Variants in CCDC171 observed in about 807,000 individuals in gnomAD.
CCDC171 encodes coiled-coil domain containing 171, also known as coiled-coil domain-containing protein 171.
CCDC171 carries 177 observed loss-of-function variants against 168.2 expected under a neutral mutation model. The ratio of observed to expected loss-of-function variants is 1.05; its 90% CI spans 0.93 to 1.19. The LOEUF (loss-of-function observed/expected upper bound fraction) is 1.19, where lower values mean the gene tolerates loss of function less well. Among genes scored for constraint, CCDC171 ranks in the 50% most tolerant of loss-of-function variants. The pLI, the probability that CCDC171 is intolerant of heterozygous loss-of-function variation, is 0.00. For missense variants in CCDC171, 1,991 were observed against 1,539.0 expected, an observed-to-expected ratio of 1.29 and a Z score of -4.91; for synonymous variants, 687 against 540.8, an observed-to-expected ratio of 1.27 and a Z score of -3.75.
At chr9:15,574,965 G>C (rs1587070480) in intron 3 of CCDC171, among the ~76,000 whole-genome samples, 1 of 152,232 alleles carries the variant, frequency 6.6e-6, no homozygotes, top group East Asian at 1.9e-4. Context: ...GAATTGCATT[G>C]ATGTAGGTGA....
chr9:16,092,377 C>G, the CCDC171 span, among the ~76,000 whole-genome samples: 1 of 152,160 alleles, frequency 6.6e-6, no homozygotes, highest in Non-Finnish European at 1.5e-5. Context: ...CCCTCAGGCA[C>G]CTTTAGTGTG....
intron 21 of CCDC171, among the ~76,000 whole-genome samples, chr9:15,795,604 C>G (rs7860755): frequency 0.45 from 68,167 of 151,984 alleles, 15,613 homozygotes; most frequent in East Asian, 0.65. Flanking sequence ...GCAAACCTAG[C>G]TGGAGGCCAG....
chr9:15,801,800 C>T (rs1173477147), intron 21 of CCDC171, among the ~76,000 whole-genome samples: 1 of 151,942 alleles, frequency 6.6e-6, no homozygotes, highest in Non-Finnish European at 1.5e-5. Flanking sequence ...CTTATATCCC[C>T]ATTTTTTTTA....
intron 25 of CCDC171, among the ~76,000 whole-genome samples, chr9:15,964,214 C>T (rs1830594528): frequency 6.6e-6 from 1 of 152,178 alleles, no homozygotes; most frequent in African/African-American, 2.4e-5. Flanking sequence ...ATATGCTACC[C>T]TCAGCCTATT....
chr9:15,813,151 G>A (rs9407645), intron 21 of CCDC171, among the ~76,000 whole-genome samples: 67,448 of 151,712 alleles, frequency 0.44, 15,132 homozygotes, highest in Middle Eastern at 0.48. Context: ...TTGCTAGAGT[G>A]TGATTGAGTT....
intron 25 of CCDC171, among the ~76,000 whole-genome samples, chr9:15,944,767 A>G (rs946347906): frequency 6.6e-6 from 1 of 152,006 alleles, no homozygotes; most frequent in Admixed American, 6.6e-5. Context: ...AGGAACTACC[A>G]AGGCCACAAA....
intron 23 of CCDC171, among the ~76,000 whole-genome samples, chr9:15,865,534 A>G (rs963677468): frequency 3.9e-5 from 6 of 151,914 alleles, no homozygotes; most frequent in Non-Finnish European, 8.8e-5. Context: ...TCCTCAGCCT[A>G]TTCAACATGA....
chr9:15,784,387 A>AT (rs920484270), intron 20 of CCDC171, 122 bp from the exon 21 acceptor site: 13 of 525,312 alleles, frequency 2.5e-5, no homozygotes, highest in African/African-American at 9.8e-5. Context: ...AGCTAATTGT[A>AT]TTTTTTTAAT....
At chr9:16,033,631 G>A (rs772486982) in intron 6 of CCDC171, among the ~76,000 whole-genome samples, 42 of 152,172 alleles carry the variant, frequency 2.8e-4, no homozygotes, top group Admixed American at 6.5e-4. Context: ...AACAATAATA[G>A]AAAACCTAGC....
At chr9:15,733,583 G>A (rs1056694669) in intron 16 of CCDC171, among the ~76,000 whole-genome samples, 2 of 149,708 alleles carry the variant, frequency 1.3e-5, no homozygotes, top group African/African-American at 4.9e-5. Context: ...TCAGTTCACT[G>A]TTTGTGTCAA....
rs2048222159 is a variant in CCDC171, at chr9:15,660,350, A to G, written c.915+3131A>G. ...CAGCTTTTATTTAGATTCCGGGGGT[A>G]CATGTGTAGTTTGTTACCTGGGTAT... On this transcript the variant is annotated intron_variant, in intron 8 of 25. Coordinates refer to ENST00000380701, the MANE Select transcript of CCDC171 (RefSeq NM_173550.4). Among the ~76,000 whole-genome samples, 2 of 152,066 alleles carry G rather than the reference A, an allele frequency of 1.3e-5. 1 individual carries two copies. The highest frequency in any genetic ancestry group is 4.2e-4 in the South Asian group (2 of 4,814).
Position 15,971,631 on chromosome 9 carries a change from A to G in CCDC171, c.3776A>G (p.Asn1259Ser), listed in dbSNP as rs773843349. Residue 1259 changes from asparagine (N) to serine (S), a missense_variant, in exon 26 of 26, where the codon AAT (asparagine) becomes AGT (serine). Coordinates refer to ENST00000380701, the MANE Select transcript of CCDC171 (RefSeq NM_173550.4). ...LQSIGSRDHS[N>S]LSIPSRAPLP... ...CAGATAGGATCACGAGACCATTCAA[A>G]TCTCTCCATTCCTTCAAGAGCTCCT... 6.2e-7 allele frequency: 1 copy of G among 1,613,204 alleles called. No homozygotes were observed. The highest frequency in any genetic ancestry group is 1.1e-5 in the South Asian group (1 of 91,050).
At chr9:15,726,000 C>A (rs181525549) in intron 14 of CCDC171, among the ~76,000 whole-genome samples, 1 of 152,126 alleles carries the variant, frequency 6.6e-6, no homozygotes, top group African/African-American at 2.4e-5. Context: ...TCTTTTTACC[C>A]TATGGGTTAT....
chr9:15,797,982 T>C (rs12552653), intron 21 of CCDC171, among the ~76,000 whole-genome samples: 60,222 of 151,996 alleles, frequency 0.4, 13,307 homozygotes, highest in East Asian at 0.63. Context: ...CTGGACTCTG[T>C]CTCTGTTTCA....
chr9:15,928,025 G>A (rs376300823), intron 25 of CCDC171, among the ~76,000 whole-genome samples: 1 of 151,608 alleles, frequency 6.6e-6, no homozygotes, highest in African/African-American at 2.4e-5. Context: ...CACTTCAATG[G>A]TATAAAGTAC....
Position 15,777,306 on chromosome 9 carries a change from A to T in CCDC171, c.2672-294A>T, listed in dbSNP as rs79935522. ...TGTAAATAGAAAATGGATTTATGTT[A>T]GGTTTTAAAACAAAGAAAAGAGTGA... On this transcript the variant is annotated intron_variant, in intron 18 of 25. Coordinates refer to ENST00000380701, the MANE Select transcript of CCDC171 (RefSeq NM_173550.4). Among the ~76,000 whole-genome samples, 1,150 of 152,298 alleles carry T rather than the reference A, an allele frequency of 7.6e-3. 9 individuals are homozygous for T. Among genetic ancestry groups the T allele is most frequent in the African/African-American group, 0.026 (1,092 of 41,560 alleles).
At chr9:15,974,299 G>T (rs1269284903), downstream of CCDC171, among the ~76,000 whole-genome samples, 2 of 152,112 alleles carry the variant, frequency 1.3e-5, no homozygotes, top group African/African-American at 4.8e-5. Flanking sequence ...ATATCCTATG[G>T]AGATCTGAGA....
chr9:16,071,775 G>C, the CCDC171 span, among the ~76,000 whole-genome samples: 1 of 152,062 alleles, frequency 6.6e-6, no homozygotes, highest in African/African-American at 2.4e-5. Flanking sequence ...TTTCTCTTCT[G>C]TATGTTGTTT....
intron 7 of CCDC171, among the ~76,000 whole-genome samples, chr9:15,632,394 C>T (rs2045794449): frequency 6.6e-6 from 1 of 151,758 alleles, no homozygotes; most frequent in South Asian, 2.1e-4. Context: ...AACAGAGAGC[C>T]AAATAATGAG....
Sources: allele counts gnomAD v4.1 joint callset (sites outside exome capture counted in the v4.1 genomes callset), GRCh38; gene constraint gnomAD v4.1.1; transcripts MANE v1.5; gene names NCBI Gene and HGNC (gene_info 2026-07-23, HGNC 2026-07-21).